TEAD4: variants seen among roughly 807,000 people sequenced by gnomAD.
TEAD4 encodes the protein transcriptional enhancer factor TEF-3.
A neutral mutation model predicts 52.4 loss-of-function variants in TEAD4; 36 were observed. The ratio of observed to expected loss-of-function variants is 0.69; its 90% CI spans 0.53 to 0.91. TEAD4 has a LOEUF of 0.91. Ranked by LOEUF, TEAD4 falls within the 40% of genes least tolerant of loss-of-function variation. The pLI is 0.00. For synonymous variants in TEAD4, 220 were observed against 231.0 expected, an observed-to-expected ratio of 0.95 and a Z score of 0.43; for missense variants, 508 against 583.9, an observed-to-expected ratio of 0.87 and a Z score of 1.34.
chr12:3,003,422 A>C (rs979841067), intron 3 of TEAD4, among the ~76,000 whole-genome samples: 2 of 152,136 alleles, frequency 1.3e-5, no homozygotes, highest in Non-Finnish European at 2.9e-5. Flanking sequence ...CTCAGCACAG[A>C]GGAAATGAGA....
chr12:2,965,752 G>T (rs547562715), intron 2 of TEAD4, among the ~76,000 whole-genome samples: 23 of 152,132 alleles, frequency 1.5e-4, no homozygotes, highest in Admixed American at 1.2e-3. Context: ...CACCATGTTA[G>T]CCAGGATGGT....
chr12:2,981,688 T>C (rs2098234216), intron 2 of TEAD4, among the ~76,000 whole-genome samples: 1 of 152,114 alleles, frequency 6.6e-6, no homozygotes, highest in Admixed American at 6.6e-5. Context: ...GATGGACTGT[T>C]GGCAGGAATT....
Position 3,040,497 on chromosome 12 carries a change from A to T in TEAD4, c.*19A>T, listed in dbSNP as rs1555132313. On this transcript the variant is annotated 3_prime_UTR_variant, in exon 13 of 13. Transcript: ENST00000359864. ...AGAATGAGAGACTCGGGGAGCAGGG[A>T]GGGGGGAAGAGACGTGTGTGCAGGA... 6.2e-7 allele frequency: 1 copy of T among 1,603,316 alleles called. No individual in the cohort carries two copies. Among genetic ancestry groups the T allele is most frequent in the Non-Finnish European group, 8.5e-7 (1 of 1,171,298 alleles).
At chr12:3,034,251 T>C (rs563586508) in intron 10 of TEAD4, among the ~76,000 whole-genome samples, 23 of 151,032 alleles carry the variant, frequency 1.5e-4, no homozygotes, top group Admixed American at 5.3e-4. Context: ...GAGATGGGGG[T>C]GGAGCTGGGG....
chr12:2,976,774 C>A (rs972138002), intron 2 of TEAD4, among the ~76,000 whole-genome samples: 2 of 150,790 alleles, frequency 1.3e-5, no homozygotes, highest in African/African-American at 5.0e-5. Context: ...AAGTACTCGC[C>A]ACCCCATTGC....
chr12:3,033,205 C>G (rs931138603), intron 10 of TEAD4, among the ~76,000 whole-genome samples: 4 of 152,230 alleles, frequency 2.6e-5, no homozygotes, highest in African/African-American at 4.8e-5. Context: ...CCCTGAGTTA[C>G]TGCTCTTACT....
At chr12:2,973,982 G>A (rs1052064674) in intron 2 of TEAD4, among the ~76,000 whole-genome samples, 1 of 152,130 alleles carries the variant, frequency 6.6e-6, no homozygotes, top group Non-Finnish European at 1.5e-5. Context: ...CCTAGGGTCT[G>A]AGTGAAGGCT....
At chr12:3,002,718 G>A (rs1258193951) in intron 3 of TEAD4, among the ~76,000 whole-genome samples, 2 of 152,228 alleles carry the variant, frequency 1.3e-5, no homozygotes. Context: ...AGGGGAACAC[G>A]TACCTGCCCT....
intron 10 of TEAD4, among the ~76,000 whole-genome samples, chr12:3,037,459 G>T (rs2098280114): frequency 6.6e-6 from 1 of 152,166 alleles, no homozygotes; most frequent in Non-Finnish European, 1.5e-5. Context: ...CGAGACAAGA[G>T]GATGAGACAG....
intron 3 of TEAD4, among the ~76,000 whole-genome samples, chr12:2,995,391 T>G (rs2098246290): frequency 6.6e-6 from 1 of 152,166 alleles, no homozygotes; most frequent in Non-Finnish European, 1.5e-5. Context: ...AACAAACAGA[T>G]GCCGAGCCTT....
At chr12:2,989,254 A>G (rs7302789) in intron 2 of TEAD4, among the ~76,000 whole-genome samples, 18,920 of 151,838 alleles carry the variant, frequency 0.12, 2,216 homozygotes, top group African/African-American at 0.31. Flanking sequence ...GATTTTCTCA[A>G]TGAGGCTCTT....
intron 5 of TEAD4, among the ~76,000 whole-genome samples, chr12:3,014,969 G>A (rs529827225): frequency 3.0e-4 from 45 of 152,318 alleles, no homozygotes; most frequent in Middle Eastern, 3.4e-3. Context: ...AGAGGTCAGG[G>A]GCTGGCCTGG....
At chr12:2,991,598 GTTACAGTGAGCCGAGA>G (rs1457864416) in intron 2 of TEAD4, among the ~76,000 whole-genome samples, 5 of 152,088 alleles carry the variant, frequency 3.3e-5, no homozygotes, top group African/African-American at 1.2e-4. Context: ...GGAGGCGGAG[GTTACAGTGAGCCGAGA>G]TTGTACCATT....
intron 2 of TEAD4, among the ~76,000 whole-genome samples, chr12:2,990,461 C>CT (rs71057876): frequency 0.47 from 31,453 of 66,992 alleles, 14,076 homozygotes; most frequent in East Asian, 0.67. Context: ...GACAGATAAT[C>CT]TTTTTTTTTT....
chr12:3,036,148 G>A (rs1016118847), intron 10 of TEAD4, among the ~76,000 whole-genome samples: 4 of 152,052 alleles, frequency 2.6e-5, no homozygotes, highest in Admixed American at 2.6e-4. Flanking sequence ...TTTCCCTAAA[G>A]GCCTCATCAA....
chr12:3,021,009 T>C (rs576520914), intron 9 of TEAD4, among the ~76,000 whole-genome samples: 2 of 151,814 alleles, frequency 1.3e-5, no homozygotes, highest in Admixed American at 6.6e-5. Context: ...AGCGTCACGC[T>C]CCTCCCTCCC....
At chr12:2,976,991 C>G (rs1311744705) in intron 2 of TEAD4, among the ~76,000 whole-genome samples, 1 of 152,236 alleles carries the variant, frequency 6.6e-6, no homozygotes, top group African/African-American at 2.4e-5. Flanking sequence ...CCTGCTCCTT[C>G]CTCTCTGTCC....
At chr12:2,979,642 A>G (rs2098232610) in intron 2 of TEAD4, among the ~76,000 whole-genome samples, 2 of 152,198 alleles carry the variant, frequency 1.3e-5, no homozygotes, top group Non-Finnish European at 2.9e-5. Flanking sequence ...TTGCAAGTAC[A>G]AAATCTGTGA....
At chr12:3,021,089 A>AC (rs1211607286) in intron 9 of TEAD4, among the ~76,000 whole-genome samples, 4 of 151,046 alleles carry the variant, frequency 2.6e-5, no homozygotes, top group Non-Finnish European at 4.4e-5. Context: ...TCCCAGCCCC[A>AC]CCCCTACACT....
Sources: gnomAD v4.1 joint callset for allele counts (sites outside exome capture counted in the v4.1 genomes callset) on GRCh38, gnomAD v4.1.1 for gene constraint, MANE v1.5 for transcripts, NCBI Gene and HGNC (gene_info 2026-07-23, HGNC 2026-07-21) for gene names.